The following NXPE3 variants were observed in gnomAD, a reference collection of about 807,000 sequenced individuals.
The protein encoded by NXPE3 is neurexophilin and PC-esterase domain family member 3.
Under a neutral mutation model 46.1 loss-of-function variants are expected in NXPE3, and 26 were observed. The ratio of observed to expected loss-of-function variants is 0.56; its 90% confidence interval spans 0.41 to 0.78. The LOEUF (loss-of-function observed/expected upper bound fraction) is 0.78, where lower values mean the gene tolerates loss of function less well. Ranked by LOEUF, NXPE3 falls within the 30% of genes least tolerant of loss-of-function variation. The probability of loss-of-function intolerance (pLI) is 0.00; values close to 1 mark genes in which losing one functional copy is unlikely to be tolerated. For synonymous variants in NXPE3, 272 were observed against 257.9 expected (o/e 1.05, Z -0.52); for missense variants, 620 against 686.0 (o/e 0.90, Z 1.07).
At chr3:101,816,742 A>G in intron 6 of NXPE3, 53 bp from the exon 7 acceptor site, 1 of 1,363,740 alleles carries the variant, frequency 7.3e-7, no homozygotes, top group Non-Finnish European at 1.0e-6. Flanking sequence ...GACATTTTTC[A>G]TCTATTGTTG....
At chr3:101,780,655 TCCA>T (rs898064297) in intron 1 of NXPE3, among the ~76,000 whole-genome samples, 3 of 152,220 alleles carry the variant, frequency 2.0e-5, no homozygotes, top group Non-Finnish European at 4.4e-5. Context: ...TTAAAAAGCT[TCCA>T]CGATGATTAT....
chr3:101,781,001 CT>C lies in NXPE3; in HGVS notation c.-497-1107del, dbSNP rs1238106172. On this transcript the variant is annotated intron_variant, in intron 1 of 7. Coordinates refer to ENST00000273347, the MANE Select transcript of NXPE3 (RefSeq NM_145037.4). ...TAGGGTCCTGGATGGGTCTCCAGTTCTTCATTCTGTAGATCCTGCCCTGTTT... is the reference window on the plus strand; with the variant it reads ...TAGGGTCCTGGATGGGTCTCCAGTTCTCATTCTGTAGATCCTGCCCTGTTT... Among the ~76,000 whole-genome samples, 5 of 152,310 alleles carry C rather than the reference CT, an allele frequency of 3.3e-5. No homozygotes were observed. In the East Asian group the frequency reaches 5.8e-4, roughly 18 times the overall value.
rs1450706768 is a variant in NXPE3 at position 101,782,255 on chromosome 3, C to T, written c.-352C>T. ...AGACGTAACTTCTAATTTCTAGTTCCAGTAAGCATCTCTTCTTGGAAAATT... is the reference window on the plus strand; with the variant it reads ...AGACGTAACTTCTAATTTCTAGTTCTAGTAAGCATCTCTTCTTGGAAAATT... On this transcript the variant is annotated 5_prime_UTR_variant, in exon 2 of 8. Transcript: ENST00000273347. 6.6e-6 allele frequency: 1 copy of T among 152,106 alleles called. No homozygotes were observed. Among genetic ancestry groups the T allele is most frequent in the Non-Finnish European group, 1.5e-5 (1 of 68,004 alleles). 9.4% of individuals were successfully genotyped at this position (152,106 alleles called of 1,614,324 possible).
At position 101,821,400 on chromosome 3, in the gene NXPE3, T is replaced by G; in HGVS notation, c.1130-4T>G. 1 of 1,606,200 alleles carries G rather than the reference T, an allele frequency of 6.2e-7. No homozygotes were observed. The highest frequency in any genetic ancestry group is 8.5e-7 in the Non-Finnish European group (1 of 1,173,614). On this transcript the variant is annotated splice_region_variant and splice_polypyrimidine_tract_variant and intron_variant, in intron 7 of 7. Transcript: ENST00000273347. Reference sequence around the variant, plus strand: ...TTTATGAACTTGAGTTTTCCTTGTTTCAGATTTAGTGGAGTTTAACTTGGG... The same window carrying G: ...TTTATGAACTTGAGTTTTCCTTGTTGCAGATTTAGTGGAGTTTAACTTGGG...
At chr3:101,805,219 A>C (rs953723411) in intron 5 of NXPE3, among the ~76,000 whole-genome samples, 1 of 152,158 alleles carries the variant, frequency 6.6e-6, no homozygotes, top group African/African-American at 2.4e-5. Flanking sequence ...TATCATTGTT[A>C]TAGTACTGTT....
chr3:101,824,339 C>G lies in NXPE3; in HGVS notation c.*2385C>G, dbSNP rs1942397707. On this transcript the variant is annotated 3_prime_UTR_variant, in exon 8 of 8. Transcript: ENST00000273347. ...TCCAATAGTATTGGTGATATTAGCT[C>G]CATTTTATAGATGAGGAACTCATGT... 1 of 152,070 alleles carries G rather than the reference C, an allele frequency of 6.6e-6. No individual in the cohort carries two copies. The allele number at this position is 152,070 out of a possible 1,614,324, so 9.4% of individuals were successfully genotyped here.
At chr3:101,788,469 C>A (rs139688182) in intron 4 of NXPE3, among the ~76,000 whole-genome samples, 420 of 152,282 alleles carry the variant, frequency 2.8e-3, no homozygotes, top group Non-Finnish European at 4.9e-3. Flanking sequence ...TGTTGTAAGA[C>A]CTTTCCTCTG....
chr3:101,804,601 T>G (rs1379696078), intron 5 of NXPE3, among the ~76,000 whole-genome samples: 1 of 152,228 alleles, frequency 6.6e-6, no homozygotes, highest in East Asian at 1.9e-4. Context: ...ATTGATTTTT[T>G]GGGGGATCTT....
At chr3:101,799,092 G>A (rs559195465) in intron 4 of NXPE3, among the ~76,000 whole-genome samples, 11 of 151,786 alleles carry the variant, frequency 7.2e-5, no homozygotes, top group South Asian at 4.2e-4. Flanking sequence ...ATGCCACCAC[G>A]CTTGGCTAAC....
intron 5 of NXPE3, among the ~76,000 whole-genome samples, chr3:101,806,230 A>G (rs190928421): frequency 3.3e-5 from 5 of 152,332 alleles, no homozygotes; most frequent in Admixed American, 1.3e-4. Context: ...ATGACTGCAC[A>G]TTCCCATATC....
chr3:101,807,896 A>T (rs1941497751), intron 6 of NXPE3, among the ~76,000 whole-genome samples: 1 of 152,188 alleles, frequency 6.6e-6, no homozygotes, highest in Non-Finnish European at 1.5e-5. Flanking sequence ...GGGTAAAATT[A>T]TCATGGAAAT....
rs779031147 is a variant in NXPE3 at position 101,821,512 on chromosome 3, G to A, written c.1238G>A (p.Arg413His). 21 of 1,614,000 alleles carry A rather than the reference G, an allele frequency of 1.3e-5. No homozygotes were observed. The highest frequency in any genetic ancestry group is 1.7e-5 in the Non-Finnish European group (20 of 1,180,022). ...TACCGCTGCCATGGTCCACCCATCC[G>A]CTTCACGACTGTCTTTAGCAATGAG... ...LKYRCHGPPIRFTTVFSNELH... is the reference protein window; with the variant it reads ...LKYRCHGPPIHFTTVFSNELH... The change falls in exon 8 of 8, where the codon CGC (arginine) becomes CAC (histidine). Residue 413 changes from arginine to histidine, a missense_variant. By Grantham distance (29) the Arg-to-His change is conservative. This residue lies in a region of NXPE3 where 511 missense variants were observed against 528.6 expected (regional missense o/e 0.97). Coordinates refer to ENST00000273347, the MANE Select transcript of NXPE3 (RefSeq NM_145037.4).
intron 4 of NXPE3, among the ~76,000 whole-genome samples, chr3:101,797,019 T>G (rs748435623): frequency 2.7e-4 from 41 of 152,198 alleles, no homozygotes; most frequent in Non-Finnish European, 3.7e-4. Flanking sequence ...TTTCTACATC[T>G]TAGGTAGATT....
At chr3:101,808,718 C>T (rs1050018798) in intron 6 of NXPE3, among the ~76,000 whole-genome samples, 8 of 150,136 alleles carry the variant, frequency 5.3e-5, no homozygotes, top group African/African-American at 2.0e-4. Context: ...CAGTTTATAT[C>T]TCTTGTCTCT....
At chr3:101,821,374 T>C in intron 7 of NXPE3, 30 bp from the exon 8 acceptor site, 8 of 1,595,166 alleles carry the variant, frequency 5.0e-6, no homozygotes, top group Non-Finnish European at 6.9e-6. Context: ...GTTTGAAGGT[T>C]TTTATGAACT....
chr3:101,783,157 G>A (rs1381612239), intron 3 of NXPE3, among the ~76,000 whole-genome samples: 1 of 152,142 alleles, frequency 6.6e-6, no homozygotes, highest in Admixed American at 6.5e-5. Context: ...CGCCTCCCAG[G>A]TTCACGCTGT....
intron 6 of NXPE3, among the ~76,000 whole-genome samples, chr3:101,813,272 T>G (rs1195203104): frequency 6.6e-6 from 1 of 152,194 alleles, no homozygotes; most frequent in Non-Finnish European, 1.5e-5. Context: ...GTCCTGCCTT[T>G]TACTGTTCTT....
intron 4 of NXPE3, among the ~76,000 whole-genome samples, chr3:101,787,471 T>C (rs1047237669): frequency 6.6e-6 from 1 of 152,164 alleles, no homozygotes; most frequent in Admixed American, 6.5e-5. Flanking sequence ...CACGCTTAGC[T>C]AATTTTTGTA....
At chr3:101,800,858 T>C (rs1013459367) in intron 4 of NXPE3, among the ~76,000 whole-genome samples, 1 of 152,194 alleles carries the variant, frequency 6.6e-6, no homozygotes, top group Non-Finnish European at 1.5e-5. Context: ...TCTTTCTCCA[T>C]TCCTTTACTT....
Sources: gnomAD v4.1 joint callset for allele counts (sites outside exome capture counted in the v4.1 genomes callset) on GRCh38, gnomAD v4.1.1 for gene constraint, gnomAD v4.1.1 regional missense constraint, MANE v1.5 for transcripts, NCBI Gene and HGNC (gene_info 2026-07-23, HGNC 2026-07-21) for gene names.